The following TATDN2 variants were observed in gnomAD, a reference collection of about 807,000 sequenced individuals.
The protein encoded by TATDN2 is TatD DNase domain containing 2.
TATDN2 carries 44 observed loss-of-function variants against 60.3 expected under a neutral mutation model. The ratio of observed to expected loss-of-function variants is 0.73; its 90% confidence interval spans 0.57 to 0.94. The LOEUF (loss-of-function observed/expected upper bound fraction) is 0.94. TATDN2 is among the 40% of genes least tolerant of loss of function. The probability of loss-of-function intolerance (pLI) is 0.00; values close to 1 mark genes in which losing one functional copy is unlikely to be tolerated. For synonymous variants in TATDN2, 399 were observed against 355.8 expected (o/e 1.12, Z -1.37); for missense variants, 997 against 948.0 (o/e 1.05, Z -0.68).
chr3:10,263,636 T>C lies in TATDN2; in HGVS notation c.948+2966T>C, dbSNP rs1445854209. Among the ~76,000 whole-genome samples the C allele has an allele frequency of 2.0e-5, 3 of 152,216 alleles. No homozygotes were observed. In the South Asian group the frequency reaches 6.2e-4, roughly 32 times the overall value. On this transcript the variant is annotated intron_variant, in intron 3 of 7. Transcript: ENST00000448281. Reference sequence around the variant, plus strand: ...TTGTTTTTTAATAACATCTCTGTTCTTGTTTCATCTTCTGTTATCTCTTTT... The same window carrying C: ...TTGTTTTTTAATAACATCTCTGTTCCTGTTTCATCTTCTGTTATCTCTTTT...
Position 10,278,270 on chromosome 3 carries a change from T to G in TATDN2, c.1962-9T>G. 1.2e-6 allele frequency: 2 copies of G among 1,612,104 alleles called. No homozygotes were observed. Among genetic ancestry groups the G allele is most frequent in the Non-Finnish European group, 1.7e-6 (2 of 1,178,724 alleles). On this transcript the variant is annotated splice_polypyrimidine_tract_variant and intron_variant, in intron 5 of 7. Coordinates refer to ENST00000448281, the MANE Select transcript of TATDN2 (RefSeq NM_014760.4). This position sits in a 1 kb window ranked among gnomAD's most constrained non-coding sequence, Gnocchi z 4.7. Reference sequence around the variant, plus strand: ...TGTGAGCAGCCCTGATGTGGAGTTCTGTCTCCAGGCATTGCTTCACCGGCA... The same window carrying G: ...TGTGAGCAGCCCTGATGTGGAGTTCGGTCTCCAGGCATTGCTTCACCGGCA...
intron 2 of TATDN2, among the ~76,000 whole-genome samples, chr3:10,253,136 C>T (rs544796339): frequency 7.3e-5 from 11 of 151,618 alleles, no homozygotes; most frequent in Non-Finnish European, 1.3e-4. Flanking sequence ...GGATTACAGG[C>T]GTGAACCACC....
At chr3:10,258,952 C>T (rs1244892083) in intron 2 of TATDN2, among the ~76,000 whole-genome samples, 20 of 152,192 alleles carry the variant, frequency 1.3e-4, no homozygotes. Flanking sequence ...TCACTGAAAC[C>T]TCTGCCTCCC....
At chr3:10,276,645 G>A (rs1390943341) in intron 5 of TATDN2, among the ~76,000 whole-genome samples, 157 bp downstream of exon 5, 1 of 151,314 alleles carries the variant, frequency 6.6e-6, no homozygotes, top group East Asian at 1.9e-4. Context: ...CTGGAGTGTA[G>A]TAGTGCAATT....
At chr3:10,256,552 G>C (rs973606851) in intron 2 of TATDN2, among the ~76,000 whole-genome samples, 1 of 152,050 alleles carries the variant, frequency 6.6e-6, no homozygotes, top group African/African-American at 2.4e-5. Flanking sequence ...TGCTTAGTAA[G>C]TGCTTGCTTA....
At chr3:10,249,654 C>T (rs773078760) in intron 2 of TATDN2, 40 bp downstream of exon 2, 1 of 1,489,878 alleles carries the variant, frequency 6.7e-7, no homozygotes, top group Non-Finnish European at 8.9e-7. Flanking sequence ...GAAGCCCCTT[C>T]CACATGGCTT....
At chr3:10,256,478 GT>G (rs549004712) in intron 2 of TATDN2, among the ~76,000 whole-genome samples, 21 of 146,842 alleles carry the variant, frequency 1.4e-4, no homozygotes, top group South Asian at 2.2e-4. Flanking sequence ...ACCCAGCCTT[GT>G]TTTTTTTTTT....
At chr3:10,254,040 A>G (rs960357121) in intron 2 of TATDN2, among the ~76,000 whole-genome samples, 1 of 152,264 alleles carries the variant, frequency 6.6e-6, no homozygotes, top group African/African-American at 2.4e-5. Context: ...GAGTTAGCCC[A>G]GGCACAGTAA....
At chr3:10,268,550 A>G (rs775981503) in intron 3 of TATDN2, among the ~76,000 whole-genome samples, 1 of 152,202 alleles carries the variant, frequency 6.6e-6, no homozygotes, top group South Asian at 2.1e-4. Context: ...ATTGATATTG[A>G]TGTGCTTACT....
In TATDN2 at chr3:10,280,126, C is replaced by T. The variant is rs1285431847; in HGVS notation, c.*944C>T. The T allele has an allele frequency of 1.3e-5, 2 of 153,762 alleles. No individual in the cohort carries two copies. Among genetic ancestry groups the T allele is most frequent in the African/African-American group, 4.8e-5 (2 of 41,444 alleles). 9.5% of individuals were successfully genotyped at this position (153,762 alleles called of 1,614,324 possible). Reference sequence around the variant, plus strand: ...TCTTGTGTACAGTCCTTTGTGTACCCCGCCCAGGTTGAGAGGTGAATCAGC... The same window carrying T: ...TCTTGTGTACAGTCCTTTGTGTACCTCGCCCAGGTTGAGAGGTGAATCAGC... On this transcript the variant is annotated 3_prime_UTR_variant, in exon 8 of 8. Coordinates refer to ENST00000448281, the MANE Select transcript of TATDN2 (RefSeq NM_014760.4).
At chr3:10,269,754 A>T (rs150920037) in intron 3 of TATDN2, among the ~76,000 whole-genome samples, 1 of 152,306 alleles carries the variant, frequency 6.6e-6, no homozygotes, top group African/African-American at 2.4e-5. Flanking sequence ...GAATATATTG[A>T]CGACAGTGTC....
intron 2 of TATDN2, among the ~76,000 whole-genome samples, chr3:10,253,460 A>G (rs1418924472): frequency 6.6e-6 from 1 of 152,200 alleles, no homozygotes; most frequent in Non-Finnish European, 1.5e-5. Context: ...CTGACCTCAC[A>G]TCGTTCCCTT....
At chr3:10,270,007 C>T in intron 3 of TATDN2, 124 bp from the exon 4 acceptor site, 6 of 1,258,940 alleles carry the variant, frequency 4.8e-6, no homozygotes, top group Non-Finnish European at 6.5e-6. Flanking sequence ...AGCTAATGAG[C>T]CAATGCAAAG....
At chr3:10,252,036 C>G (rs1233433970) in intron 2 of TATDN2, among the ~76,000 whole-genome samples, 1 of 149,906 alleles carries the variant, frequency 6.7e-6, no homozygotes, top group Non-Finnish European at 1.5e-5. Flanking sequence ...TAGTCCCAGC[C>G]ACTTGGGAGG....
chr3:10,263,439 T>G (rs1698435510), intron 3 of TATDN2, among the ~76,000 whole-genome samples: 1 of 152,168 alleles, frequency 6.6e-6, no homozygotes, highest in African/African-American at 2.4e-5. Flanking sequence ...TTCTCTTATT[T>G]GGATGTTGGA....
chr3:10,279,142 A>C, intron 7 of TATDN2, 79 bp downstream of exon 7: 1 of 1,334,032 alleles, frequency 7.5e-7, no homozygotes, highest in Non-Finnish European at 1.0e-6. Flanking sequence ...AAGAATATAA[A>C]CATAGTATGA....
intron 4 of TATDN2, among the ~76,000 whole-genome samples, chr3:10,274,313 C>G (rs1169049863): frequency 1.3e-5 from 2 of 152,168 alleles, no homozygotes; most frequent in African/African-American, 2.4e-5. Context: ...AGGTACAATA[C>G]AATTGCAAGG....
At chr3:10,260,106 A>G in intron 2 of TATDN2, 31 bp from the exon 3 acceptor site, 2 of 1,582,418 alleles carry the variant, frequency 1.3e-6, no homozygotes, top group Non-Finnish European at 1.7e-6. Flanking sequence ...CCCTTGGAAC[A>G]GCCCTTTCAA....
rs553265148 is a variant in TATDN2 at position 10,257,841 on chromosome 3, A to ATTTTTTTT, written c.415-2268_415-2261dup. Reference sequence around the variant, plus strand: ...AAGTATAGATTTCTAAAGGTTTATGATTTTTTTTTTTTTTTTTTTTTTTTT... The same window carrying ATTTTTTTT: ...AAGTATAGATTTCTAAAGGTTTATGATTTTTTTTTTTTTTTTTTTTTTTTTTTTTTTTT... On this transcript the variant is annotated intron_variant, in intron 2 of 7. Coordinates refer to ENST00000448281, the MANE Select transcript of TATDN2 (RefSeq NM_014760.4). 7.1e-3 allele frequency among the ~76,000 whole-genome samples: 216 copies of ATTTTTTTT among 30,284 alleles called. 49 individuals are homozygous for ATTTTTTTT. Among genetic ancestry groups the ATTTTTTTT allele is most frequent in the Non-Finnish European group, 0.012 (176 of 14,390 alleles). 19.9% of individuals were successfully genotyped at this position (30,284 alleles called of 152,430 possible). A position where few individuals can be genotyped will look rare whatever the true frequency, so the allele number is the denominator to read the frequency against.
Sources: gnomAD v4.1 joint callset for allele counts (sites outside exome capture counted in the v4.1 genomes callset) on GRCh38, gnomAD v4.1.1 for gene constraint, Gnocchi (gnomAD v3.1) non-coding constraint, MANE v1.5 for transcripts, NCBI Gene and HGNC (gene_info 2026-07-23, HGNC 2026-07-21) for gene names.